The following ATP2B2 variants were observed in gnomAD, a reference collection of about 807,000 sequenced individuals.
The protein encoded by ATP2B2 is plasma membrane calcium-transporting ATPase 2.
In ATP2B2, 15 loss-of-function variants were observed where a neutral mutation model predicts 120.0. The ratio of observed to expected loss-of-function variants is 0.12; its 90% confidence interval spans 0.08 to 0.19. The LOEUF (loss-of-function observed/expected upper bound fraction) is 0.19, where lower values mean the gene tolerates loss of function less well. Ranked by LOEUF, ATP2B2 falls within the 10% of genes least tolerant of loss-of-function variation. The probability of loss-of-function intolerance (pLI) is 1.00; values close to 1 mark genes in which losing one functional copy is unlikely to be tolerated. For synonymous variants in ATP2B2, 694 were observed against 700.3 expected (o/e 0.99, Z 0.14); for missense variants, 1,045 against 1,719.8 (o/e 0.61, Z 6.94).
chr3:10,652,009 G>A (rs2070480481), intron 1 of ATP2B2, among the ~76,000 whole-genome samples: 1 of 152,142 alleles, frequency 6.6e-6, no homozygotes, highest in Non-Finnish European at 1.5e-5. Context: ...GGGTGATGAT[G>A]GGTCCCTGGC....
chr3:10,498,102 C>A (rs1225382386), intron 1 of ATP2B2, among the ~76,000 whole-genome samples: 1 of 152,244 alleles, frequency 6.6e-6, no homozygotes, highest in African/African-American at 2.4e-5. Flanking sequence ...TCAGGCACAA[C>A]CTGGCTTCAG....
chr3:10,583,151 A>C (rs2068429994), intron 2 of ATP2B2, among the ~76,000 whole-genome samples: 1 of 152,214 alleles, frequency 6.6e-6, no homozygotes, highest in African/African-American at 2.4e-5. Context: ...ACATGATATG[A>C]TTTAGACTGT....
At chr3:10,514,649 C>T (rs2066840943) in intron 3 of ATP2B2, among the ~76,000 whole-genome samples, 1 of 152,232 alleles carries the variant, frequency 6.6e-6, no homozygotes, top group South Asian at 2.1e-4. Context: ...GGCAAGTGCT[C>T]ACTCCAGGGC....
intron 1 of ATP2B2, among the ~76,000 whole-genome samples, chr3:10,493,877 C>T: frequency 6.6e-6 from 1 of 152,174 alleles, no homozygotes; most frequent in East Asian, 1.9e-4. Flanking sequence ...GGTTGAAAGT[C>T]AGGCAAAGTC....
At chr3:10,540,848 C>A (rs1284054592) in intron 2 of ATP2B2, among the ~76,000 whole-genome samples, 1 of 150,596 alleles carries the variant, frequency 6.6e-6, no homozygotes, top group Non-Finnish European at 1.5e-5. Flanking sequence ...TGCACATGTA[C>A]CCTAGAACTT....
intron 2 of ATP2B2, among the ~76,000 whole-genome samples, chr3:10,614,742 C>T (rs2069337307): frequency 6.6e-6 from 1 of 152,044 alleles, no homozygotes. Context: ...TGGAAGCAGG[C>T]CCACAGGACT....
rs1202523881 is a variant in ATP2B2 at position 10,342,927 on chromosome 3, G to A, written c.2742C>T (p.Asn914=). The A allele has an allele frequency of 1.2e-6, 2 of 1,614,036 alleles. No individual in the cohort carries two copies. ...GCGAGGCAAACGTGTCCATGATGAG[G>A]TTCACCCAGAGCATCTGCACGGCCT... ...PLKAVQMLWV[N]LIMDTFASLA... The change falls in exon 19 of 23, where the codon AAC becomes AAT. Residue 914 remains asparagine, a synonymous_variant. Coordinates refer to ENST00000360273, the MANE Select transcript of ATP2B2 (RefSeq NM_001001331.4). This position sits in a 1 kb window ranked among gnomAD's most constrained non-coding sequence, Gnocchi z 4.4.
chr3:10,511,707 T>C (rs990782718), intron 3 of ATP2B2, among the ~76,000 whole-genome samples: 1 of 152,038 alleles, frequency 6.6e-6, no homozygotes, highest in Non-Finnish European at 1.5e-5. Flanking sequence ...TCAAGGTGAG[T>C]TGAACACCCA....
chr3:10,554,006 G>T (rs1180852227), intron 2 of ATP2B2, among the ~76,000 whole-genome samples: 2 of 150,686 alleles, frequency 1.3e-5, no homozygotes, highest in Non-Finnish European at 3.0e-5. Flanking sequence ...TGTTTTCTGG[G>T]GGTCTAGTGG....
At chr3:10,619,684 C>T (rs999929965) in intron 2 of ATP2B2, among the ~76,000 whole-genome samples, 1 of 152,214 alleles carries the variant, frequency 6.6e-6, no homozygotes, top group Non-Finnish European at 1.5e-5. Context: ...GCCTTTACTC[C>T]TCCTCTACTA....
chr3:10,604,925 G>C (rs541120617), intron 2 of ATP2B2, among the ~76,000 whole-genome samples: 1 of 152,298 alleles, frequency 6.6e-6, no homozygotes, highest in Non-Finnish European at 1.5e-5. Flanking sequence ...GCATTCAACT[G>C]TTCTTGTTCT....
Position 10,633,800 on chromosome 3 carries a change from A to G in ATP2B2, c.-459-13839T>C, listed in dbSNP as rs11706341. On this transcript the variant is annotated intron_variant, in intron 1 of 21. Transcript: ENST00000646379. The stretch of plus-strand genomic sequence containing the variant: ...CCAGTTTCCATTCTATAGTTGAGGC[A>G]GGGCAGCCTGTATTGGCTGTCCCCC... 5.0e-3 allele frequency among the ~76,000 whole-genome samples: 764 copies of G among 152,344 alleles called. 3 individuals carry two copies. The highest frequency in any genetic ancestry group is 8.3e-3 in the Non-Finnish European group (566 of 68,024).
At chr3:10,526,280 G>A (rs145800522) in intron 3 of ATP2B2, among the ~76,000 whole-genome samples, 196 of 152,278 alleles carry the variant, frequency 1.3e-3, no homozygotes, top group Non-Finnish European at 2.6e-3. Context: ...GGTGTGTACC[G>A]GCCAACAGAA....
intron 3 of ATP2B2, among the ~76,000 whole-genome samples, chr3:10,408,422 T>A (rs1480754569): frequency 1.3e-5 from 2 of 152,156 alleles, no homozygotes; most frequent in Non-Finnish European, 2.9e-5. Context: ...CCTGGAAACA[T>A]GGAAGGCCCA....
At chr3:10,359,566 G>A (rs539268235) in intron 13 of ATP2B2, among the ~76,000 whole-genome samples, 1 of 152,198 alleles carries the variant, frequency 6.6e-6, no homozygotes, top group Non-Finnish European at 1.5e-5. Context: ...AAATAAGAGA[G>A]ATCTAAGTGT....
chr3:10,541,645 A>G (rs905330623), intron 2 of ATP2B2, among the ~76,000 whole-genome samples: 6 of 152,138 alleles, frequency 3.9e-5, no homozygotes, highest in Non-Finnish European at 5.9e-5. Flanking sequence ...CATGATTTCA[A>G]TTCTTCTAAT....
intron 2 of ATP2B2, among the ~76,000 whole-genome samples, chr3:10,608,457 A>G (rs2069142434): frequency 6.6e-6 from 1 of 152,074 alleles, no homozygotes; most frequent in Non-Finnish European, 1.5e-5. Flanking sequence ...AGTGTCTCTC[A>G]CCTGTCTGTA....
At chr3:10,335,788 C>T (rs2060099240) in intron 22 of ATP2B2, among the ~76,000 whole-genome samples, 1 of 152,226 alleles carries the variant, frequency 6.6e-6, no homozygotes, top group Non-Finnish European at 1.5e-5. Flanking sequence ...GTGTCCCCTC[C>T]ATGTCTGTCC....
intron 21 of ATP2B2, among the ~76,000 whole-genome samples, chr3:10,339,720 C>A (rs1408354877): frequency 1.3e-5 from 2 of 152,172 alleles, no homozygotes; most frequent in African/African-American, 4.8e-5. Flanking sequence ...CAGAGTGTGT[C>A]CTGCTTGCGT....
Sources: gnomAD v4.1 joint callset for allele counts (sites outside exome capture counted in the v4.1 genomes callset) on GRCh38, gnomAD v4.1.1 for gene constraint, Gnocchi (gnomAD v3.1) non-coding constraint, MANE v1.5 for transcripts, NCBI Gene and HGNC (gene_info 2026-07-23, HGNC 2026-07-21) for gene names.